FAM53A: variants seen among roughly 807,000 people sequenced by gnomAD.
The protein encoded by FAM53A is family with sequence similarity 53 member A.
Under a neutral mutation model 26.6 loss-of-function variants are expected in FAM53A, and 28 were observed. The observed-to-expected ratio is 1.05, with a 90% CI of 0.78 to 1.45. FAM53A has a LOEUF of 1.45. Ranked by LOEUF, FAM53A falls within the 40% of genes most tolerant of loss-of-function variation. The probability of loss-of-function intolerance (pLI) is 0.00; values close to 1 mark genes in which losing one functional copy is unlikely to be tolerated. For missense variants in FAM53A, 650 were observed against 575.8 expected (o/e 1.13, Z -1.32); for synonymous variants, 290 against 253.1 (o/e 1.15, Z -1.38).
the FAM53A span, among the ~76,000 whole-genome samples, chr4:1,580,703 AC>A: frequency 1.4e-5 from 1 of 71,770 alleles, no homozygotes; most frequent in African/African-American, 5.7e-5. Flanking sequence ...CCGCTCAGGG[AC>A]CCGCCTCCTG....
intron 1 of FAM53A, among the ~76,000 whole-genome samples, chr4:1,625,037 G>A (rs1163549103): frequency 1.3e-4 from 17 of 126,258 alleles, no homozygotes; most frequent in East Asian, 2.5e-4. Context: ...TCAGGGTCAC[G>A]CCAGGTGATC....
intron 1 of FAM53A, among the ~76,000 whole-genome samples, chr4:1,627,682 C>T (rs974565298): frequency 7.2e-5 from 11 of 152,316 alleles, no homozygotes; most frequent in South Asian, 2.1e-4. Flanking sequence ...GCAGCTGAGG[C>T]CTGCAGGGGA....
rs117895755 is a variant in FAM53A, at chr4:1,655,924, G to A, written c.137-201C>T. Among the ~76,000 whole-genome samples the A allele has an allele frequency of 1.7e-3, 262 of 152,030 alleles. 3 individuals carry two copies. The highest frequency in any genetic ancestry group is 9.0e-3 in the East Asian group (46 of 5,124). On this transcript the variant is annotated intron_variant, in intron 3 of 4. Transcript: ENST00000308132. ...CCTTGCTGGGTTAGCTGCGGGGCTC[G>A]GCTCACTTCTTAAAGGGGACACCGT...
At chr4:1,666,149 C>T (rs1293003769) in intron 2 of FAM53A, among the ~76,000 whole-genome samples, 2 of 133,126 alleles carry the variant, frequency 1.5e-5, no homozygotes, top group Non-Finnish European at 3.2e-5. Context: ...AAAACCTGCA[C>T]CTGCACCCCC....
the FAM53A span, among the ~76,000 whole-genome samples, chr4:1,577,674 G>C: frequency 4.6e-5 from 7 of 152,190 alleles, no homozygotes; most frequent in African/African-American, 1.7e-4. Context: ...ATGTTGGAGC[G>C]AGCTGCATGT....
At position 1,657,475 on chromosome 4, in the gene FAM53A, G is replaced by A. The variant is rs368312670; in HGVS notation, c.76-7C>T. The A allele has an allele frequency of 6.2e-6, 10 of 1,613,198 alleles. No individual in the cohort carries two copies. The highest frequency in any genetic ancestry group is 3.3e-5 in the Admixed American group (2 of 59,856). On this transcript the variant is annotated splice_polypyrimidine_tract_variant and splice_region_variant and intron_variant, in intron 2 of 4. Transcript: ENST00000308132. ...TTTCCGCAGAATACTGCAACTGACA[G>A]GAAAGAGAAGTTTCAATACTGTGAC...
the FAM53A span, among the ~76,000 whole-genome samples, chr4:1,612,790 C>G: frequency 1.3e-5 from 2 of 152,346 alleles, no homozygotes; most frequent in East Asian, 3.9e-4. Context: ...CCTGCATCCA[C>G]TCACCTGCAC....
intron 1 of FAM53A, among the ~76,000 whole-genome samples, chr4:1,677,057 G>A (rs1286649162): frequency 2.6e-5 from 4 of 152,234 alleles, no homozygotes; most frequent in East Asian, 1.9e-4. Context: ...CAGCACTGGC[G>A]GGGCTGTGCT....
At chr4:1,650,332 TG>T (rs1712660282) in intron 4 of FAM53A, among the ~76,000 whole-genome samples, 1 of 146,714 alleles carries the variant, frequency 6.8e-6, no homozygotes, top group African/African-American at 2.6e-5. Context: ...AGTGTTTGAC[TG>T]TGAGGTGGCA....
intron 3 of FAM53A, among the ~76,000 whole-genome samples, chr4:1,655,981 G>A (rs919832451): frequency 6.6e-6 from 1 of 152,090 alleles, no homozygotes; most frequent in African/African-American, 2.4e-5. Flanking sequence ...CCCCACCGGT[G>A]CCTCCCTGAG....
In FAM53A at chr4:1,655,326, A is replaced by ACC. The variant is rs758908206; in HGVS notation, c.532_533dup (p.Pro179ValfsTer113). ...GCCGGGGCGTGGCGGGCGAGGTGGG[A>ACC]CCGGTCGACCACACAGCACTCCTCG... On this transcript the variant is annotated frameshift_variant, in exon 4 of 5. Coordinates refer to ENST00000308132, the MANE Select transcript of FAM53A (RefSeq NM_001174070.3). LOFTEE classifies it high-confidence loss of function. 1 of 1,419,890 alleles carries ACC rather than the reference A, an allele frequency of 7.0e-7. No individual in the cohort carries two copies. The highest frequency in any genetic ancestry group is 1.5e-5 in the African/African-American group (1 of 66,332). The allele number at this position is 1,419,890 out of a possible 1,614,324, so 88.0% of individuals were successfully genotyped here. A position where few individuals can be genotyped will look rare whatever the true frequency, so the allele number is the denominator to read the frequency against.
intron 1 of FAM53A, among the ~76,000 whole-genome samples, chr4:1,619,727 T>A (rs565657988): frequency 6.6e-6 from 1 of 152,182 alleles, no homozygotes; most frequent in Non-Finnish European, 1.5e-5. Flanking sequence ...GCATTGGAGC[T>A]CCATTTGTAC....
chr4:1,644,349 C>A lies in FAM53A; in HGVS notation c.883-2742G>T, dbSNP rs979919807. On this transcript the variant is annotated intron_variant, in intron 4 of 4. Transcript: ENST00000308132. ...CGCGGGCACAGCTGTGCGGCTAGAG[C>A]GTGAAAACAGCAGGCTCTGAACGCC... is the stretch of plus-strand genomic sequence containing the variant. 1.0e-5 allele frequency: 16 copies of A among 1,535,522 alleles called. No homozygotes were observed. In the African/African-American group the frequency reaches 1.5e-4, roughly 14 times the overall value.
chr4:1,656,959 A>G (rs1713431593), intron 3 of FAM53A, among the ~76,000 whole-genome samples: 1 of 152,104 alleles, frequency 6.6e-6, no homozygotes, highest in African/African-American at 2.4e-5. Context: ...CTCTCCATCA[A>G]TGAAGGGCCC....
chr4:1,666,348 C>T (rs1339284956), intron 2 of FAM53A, among the ~76,000 whole-genome samples: 1 of 145,528 alleles, frequency 6.9e-6, no homozygotes, highest in African/African-American at 2.6e-5. Context: ...GCACCTGCAC[C>T]CCCTGTATCT....
chr4:1,683,660 G>A lies in FAM53A; in HGVS notation c.-165+573C>T, dbSNP rs531198350. On this transcript the variant is annotated intron_variant, in intron 1 of 4. Transcript: ENST00000308132. ...AGAGTTATGGAAACTTAGCTTCAAA[G>A]AAGAGGCACCAAGGATGCCGCGCGA... is the stretch of plus-strand genomic sequence containing the variant. 3 of 152,318 alleles carry A rather than the reference G, an allele frequency of 2.0e-5. No homozygotes were observed. In the East Asian group the frequency reaches 5.8e-4, roughly 29 times the overall value. 9.4% of individuals were successfully genotyped at this position (152,318 alleles called of 1,614,324 possible).
intron 4 of FAM53A, chr4:1,644,065 G>C: frequency 1.5e-6 from 2 of 1,314,588 alleles, no homozygotes; most frequent in South Asian, 3.0e-5. Context: ...TCACCAGCTC[G>C]GTCTGGTGTC....
chr4:1,663,114 G>C (rs1170401413), intron 2 of FAM53A, among the ~76,000 whole-genome samples: 1 of 151,970 alleles, frequency 6.6e-6, no homozygotes, highest in African/African-American at 2.4e-5. Context: ...CGTGAGAATG[G>C]CGTGAACCTG....
In FAM53A at chr4:1,657,394, C is replaced by A; in HGVS notation, c.136+14G>T. 2 of 1,612,218 alleles carry A rather than the reference C, an allele frequency of 1.2e-6. No homozygotes were observed. Among genetic ancestry groups the A allele is most frequent in the South Asian group, 1.1e-5 (1 of 90,688 alleles). On this transcript the variant is annotated intron_variant, in intron 3 of 4. Coordinates refer to ENST00000308132, the MANE Select transcript of FAM53A (RefSeq NM_001174070.3). ...CCTGCTCAGGCCTCCGGCCACAGCT[C>A]CTAAAGTGCTCACCGTTGAGCTCCA... is the stretch of plus-strand genomic sequence containing the variant.
Sources: gnomAD v4.1 joint callset for allele counts (sites outside exome capture counted in the v4.1 genomes callset) on GRCh38, gnomAD v4.1.1 for gene constraint, MANE v1.5 for transcripts, NCBI Gene and HGNC (gene_info 2026-07-23, HGNC 2026-07-21) for gene names.